The following DSCAM variants were observed in gnomAD, a reference collection of about 807,000 sequenced individuals.
DSCAM encodes the protein DS cell adhesion molecule.
In DSCAM, 47 loss-of-function variants were observed where a neutral mutation model predicts 217.7. The ratio of observed to expected loss-of-function variants is 0.22; its 90% CI spans 0.17 to 0.28. The LOEUF (loss-of-function observed/expected upper bound fraction) is 0.28. Among genes scored for constraint, DSCAM ranks in the 10% least tolerant of loss-of-function variants. The probability of loss-of-function intolerance (pLI) is 1.00; values close to 1 mark genes in which losing one functional copy is unlikely to be tolerated. For missense variants in DSCAM, 2,080 were observed against 2,618.3 expected (o/e 0.79, Z 4.49); for synonymous variants, 1,056 against 1,015.3 (o/e 1.04, Z -0.76).
intron 3 of DSCAM, among the ~76,000 whole-genome samples, chr21:40,662,892 C>T (rs11911209): frequency 0.044 from 6,704 of 152,128 alleles, 436 homozygotes; most frequent in African/African-American, 0.14. Context: ...AACTTTATTA[C>T]GGCAGCCTGA....
intron 18 of DSCAM, among the ~76,000 whole-genome samples, chr21:40,134,641 TG>T (rs1233202649): frequency 6.6e-6 from 1 of 152,180 alleles, no homozygotes; most frequent in Non-Finnish European, 1.5e-5. Context: ...TTGTATCATT[TG>T]GGGGTGGAGG....
intron 1 of DSCAM, among the ~76,000 whole-genome samples, chr21:40,724,328 A>G (rs1196940377): frequency 6.6e-6 from 1 of 152,234 alleles, no homozygotes; most frequent in Non-Finnish European, 1.5e-5. Context: ...TCGGAAGCAT[A>G]AAAACTGGGG....
At chr21:40,667,413 T>C (rs1345239476) in intron 3 of DSCAM, among the ~76,000 whole-genome samples, 1 of 152,224 alleles carries the variant, frequency 6.6e-6, no homozygotes, top group Admixed American at 6.5e-5. Flanking sequence ...AAACATACTA[T>C]CAAAAAATAA....
chr21:40,570,160 G>A (rs2076795433), intron 3 of DSCAM, among the ~76,000 whole-genome samples: 1 of 152,194 alleles, frequency 6.6e-6, no homozygotes, highest in Admixed American at 6.5e-5. Context: ...TGGCAGGCAA[G>A]CTGTAAAGCA....
intron 3 of DSCAM, among the ~76,000 whole-genome samples, chr21:40,555,379 A>G (rs1002928363): frequency 6.6e-6 from 1 of 152,214 alleles, no homozygotes; most frequent in Admixed American, 6.5e-5. Flanking sequence ...ATTCCTCATT[A>G]CCAGAACCCA....
At chr21:40,709,867 G>T (rs746120502) in intron 1 of DSCAM, among the ~76,000 whole-genome samples, 1 of 152,212 alleles carries the variant, frequency 6.6e-6, no homozygotes, top group Non-Finnish European at 1.5e-5. Flanking sequence ...TAATGGGATT[G>T]CTGGGTCAAC....
intron 18 of DSCAM, among the ~76,000 whole-genome samples, chr21:40,138,374 C>T (rs73362145): frequency 1.7e-4 from 20 of 120,672 alleles, no homozygotes; most frequent in African/African-American, 4.3e-4. Flanking sequence ...GGGTGTGTTA[C>T]ATGTGTTGTG....
intron 1 of DSCAM, among the ~76,000 whole-genome samples, chr21:40,719,562 CAAT>C (rs2090879771): frequency 1.3e-5 from 2 of 152,104 alleles, no homozygotes; most frequent in South Asian, 2.1e-4. Flanking sequence ...AAATATCGAT[CAAT>C]AATAAAATTG....
chr21:40,470,802 C>T (rs374595620), intron 3 of DSCAM, among the ~76,000 whole-genome samples: 209 of 152,276 alleles, frequency 1.4e-3, no homozygotes, highest in African/African-American at 4.3e-3. Flanking sequence ...GATCCTCCTG[C>T]CTGGATCTCC....
intron 3 of DSCAM, among the ~76,000 whole-genome samples, chr21:40,664,263 G>C (rs1362697010): frequency 6.6e-6 from 1 of 152,218 alleles, no homozygotes; most frequent in Admixed American, 6.5e-5. Context: ...CATGGAAGGA[G>C]TAAGTGGGGA....
At chr21:40,621,887 A>AAGAG (rs1243651200) in intron 3 of DSCAM, among the ~76,000 whole-genome samples, 1 of 124,946 alleles carries the variant, frequency 8.0e-6, no homozygotes, top group Admixed American at 9.3e-5. Context: ...GAAAGAAAGA[A>AAGAG]AGAGAGAGAG....
In DSCAM at chr21:40,013,001, G is replaced by T; in HGVS notation, c.*33C>A. 1 of 1,328,000 alleles carries T rather than the reference G, an allele frequency of 7.5e-7. No homozygotes were observed. Among genetic ancestry groups the T allele is most frequent in the Non-Finnish European group, 9.8e-7 (1 of 1,020,688 alleles). 82.3% of individuals were successfully genotyped at this position (1,328,000 alleles called of 1,614,324 possible). On this transcript the variant is annotated 3_prime_UTR_variant, in exon 33 of 33. Coordinates refer to ENST00000400454, the MANE Select transcript of DSCAM (RefSeq NM_001389.5). ...TAGCTTTGATTGAATTGTTTGAATTGTATTTACAACCGCTGTCCAGTCATG... is the reference window on the plus strand; with the variant it reads ...TAGCTTTGATTGAATTGTTTGAATTTTATTTACAACCGCTGTCCAGTCATG...
At chr21:40,053,111 A>T (rs1437999930) in intron 29 of DSCAM, among the ~76,000 whole-genome samples, 2 of 152,198 alleles carry the variant, frequency 1.3e-5, no homozygotes, top group African/African-American at 4.8e-5. Flanking sequence ...TAAACAACAC[A>T]GCTCGACTTC....
chr21:40,118,474 C>T (rs997609903), intron 20 of DSCAM, among the ~76,000 whole-genome samples: 2 of 152,132 alleles, frequency 1.3e-5, no homozygotes, highest in African/African-American at 4.8e-5. Flanking sequence ...GTAATCCCAG[C>T]TACTCAGGAG....
intron 11 of DSCAM, among the ~76,000 whole-genome samples, chr21:40,275,046 C>T (rs2073668633): frequency 6.6e-6 from 1 of 151,964 alleles, no homozygotes; most frequent in South Asian, 2.1e-4. Context: ...ATCCAAGGGC[C>T]AGGCATAGTG....
chr21:40,484,628 GT>G (rs11297903), intron 3 of DSCAM, among the ~76,000 whole-genome samples: 101,011 of 151,872 alleles, frequency 0.67, 34,179 homozygotes, highest in African/African-American at 0.8. Flanking sequence ...TTCATGGGTG[GT>G]TTTTTTTCCT....
chr21:40,282,303 C>A (rs1013385786), intron 10 of DSCAM, among the ~76,000 whole-genome samples: 3 of 152,106 alleles, frequency 2.0e-5, no homozygotes. Flanking sequence ...GATAGGTAAT[C>A]TAGGCCGGGC....
intron 10 of DSCAM, among the ~76,000 whole-genome samples, chr21:40,285,195 C>T: frequency 6.6e-6 from 1 of 152,160 alleles, no homozygotes; most frequent in East Asian, 1.9e-4. Context: ...ATGCAGATTC[C>T]ACCAGTGCTT....
chr21:40,837,149 T>A (rs2092063729), intron 1 of DSCAM, among the ~76,000 whole-genome samples: 1 of 152,178 alleles, frequency 6.6e-6, no homozygotes, highest in Non-Finnish European at 1.5e-5. Context: ...GTGGAGGGGA[T>A]GTGTGGCTAT....
Sources: gnomAD v4.1 joint callset for allele counts (sites outside exome capture counted in the v4.1 genomes callset) on GRCh38, gnomAD v4.1.1 for gene constraint, MANE v1.5 for transcripts, NCBI Gene and HGNC (gene_info 2026-07-23, HGNC 2026-07-21) for gene names.